ADARB2: variants seen among roughly 807,000 people sequenced by gnomAD.
ADARB2 encodes inactive double-stranded RNA-specific editase B2.
Under a neutral mutation model 62.2 loss-of-function variants are expected in ADARB2, and 25 were observed. The ratio of observed to expected loss-of-function variants is 0.40; its 90% CI spans 0.29 to 0.56. The LOEUF (loss-of-function observed/expected upper bound fraction) is 0.56. Among genes scored for constraint, ADARB2 ranks in the 20% least tolerant of loss-of-function variants. The probability of loss-of-function intolerance (pLI) is 0.43; values close to 1 mark genes in which losing one functional copy is unlikely to be tolerated. For missense variants in ADARB2, 1,071 were observed against 1,077.4 expected, an observed-to-expected ratio of 0.99 and a Z score of 0.08; for synonymous variants, 572 against 500.8, an observed-to-expected ratio of 1.14 and a Z score of -1.90.
At chr10:1,343,844 G>A (rs11596382) in intron 3 of ADARB2, among the ~76,000 whole-genome samples, 13,620 of 152,138 alleles carry the variant, frequency 0.09, 1,005 homozygotes, top group African/African-American at 0.19. Flanking sequence ...CCACAAATGG[G>A]GGAGCAACAG....
At chr10:1,278,038 C>T (rs1297231303) in intron 3 of ADARB2, among the ~76,000 whole-genome samples, 3 of 151,974 alleles carry the variant, frequency 2.0e-5, no homozygotes, top group East Asian at 1.9e-4. Flanking sequence ...GGCATGATCT[C>T]GGCTCACTGC....
intron 3 of ADARB2, among the ~76,000 whole-genome samples, chr10:1,294,287 T>TA (rs1440275816): frequency 1.3e-5 from 2 of 152,190 alleles, no homozygotes; most frequent in African/African-American, 4.8e-5. Flanking sequence ...CATGTGCAGA[T>TA]GGCTGAGGCT....
At chr10:1,340,671 ACGTGCCC>A (rs1338988431) in intron 3 of ADARB2, among the ~76,000 whole-genome samples, 6 of 75,192 alleles carry the variant, frequency 8.0e-5, no homozygotes, top group African/African-American at 3.5e-4. Flanking sequence ...CCAGAGAACC[ACGTGCCC>A]CACAGTGGCA....
At chr10:1,614,599 A>G (rs1833606973) in intron 1 of ADARB2, among the ~76,000 whole-genome samples, 1 of 152,222 alleles carries the variant, frequency 6.6e-6, no homozygotes, top group East Asian at 1.9e-4. Flanking sequence ...TTCAGGACTT[A>G]GTAAGAATTT....
chr10:1,638,545 A>G (rs543423861), intron 1 of ADARB2, among the ~76,000 whole-genome samples: 1 of 151,934 alleles, frequency 6.6e-6, no homozygotes, highest in African/African-American at 2.4e-5. Flanking sequence ...CGAAGGATAC[A>G]TATTTCAGGT....
At chr10:1,507,415 G>GGA (rs1554767442) in intron 1 of ADARB2, among the ~76,000 whole-genome samples, 1 of 152,212 alleles carries the variant, frequency 6.6e-6, no homozygotes, top group Non-Finnish European at 1.5e-5. Context: ...GGCTGCATCC[G>GGA]GAGCTCCCTG....
chr10:1,664,582 G>T (rs117551819), intron 1 of ADARB2, among the ~76,000 whole-genome samples: 1 of 152,264 alleles, frequency 6.6e-6, no homozygotes, highest in East Asian at 1.9e-4. Context: ...TGCTGTTTAC[G>T]GCGAGCAGGC....
At chr10:1,710,188 C>T (rs1233256227) in intron 1 of ADARB2, among the ~76,000 whole-genome samples, 1 of 152,164 alleles carries the variant, frequency 6.6e-6, no homozygotes, top group Non-Finnish European at 1.5e-5. Flanking sequence ...CACAGGCCAG[C>T]AGTAGCTATT....
chr10:1,242,631 C>T (rs151325109), intron 4 of ADARB2, among the ~76,000 whole-genome samples: 10 of 152,314 alleles, frequency 6.6e-5, no homozygotes, highest in African/African-American at 2.2e-4. Context: ...ACCTGAGTCC[C>T]AGGTCCCCTG....
At chr10:1,624,790 T>C (rs987045587) in intron 1 of ADARB2, among the ~76,000 whole-genome samples, 20 of 152,300 alleles carry the variant, frequency 1.3e-4, no homozygotes, top group African/African-American at 4.6e-4. Flanking sequence ...CTTCAGAGTC[T>C]TTAAAGGTAA....
intron 1 of ADARB2, among the ~76,000 whole-genome samples, chr10:1,621,780 T>TAAC (rs1178652001): frequency 6.6e-6 from 1 of 152,242 alleles, no homozygotes; most frequent in Non-Finnish European, 1.5e-5. Flanking sequence ...GATGTCAAGA[T>TAAC]AACAATTCAT....
chr10:1,271,063 C>G lies in ADARB2; in HGVS notation c.1084G>C (p.Ala362Pro). 1.2e-6 allele frequency: 2 copies of G among 1,613,722 alleles called. No individual in the cohort carries two copies. Among genetic ancestry groups the G allele is most frequent in the Admixed American group, 1.7e-5 (1 of 59,976 alleles). Residue 362 changes from alanine to proline, a missense_variant, in exon 4 of 10, where the codon GCA becomes CCA. Coordinates refer to ENST00000381312, the MANE Select transcript of ADARB2 (RefSeq NM_018702.4). ...ARRTPMPQEF[A>P]DSISQLVTQK... ...GTGACCAGCTGGGATATGGAGTCTG[C>G]GAATTCCTGAAAGACACAAGCACAG...
At chr10:1,297,423 G>A (rs980308745) in intron 3 of ADARB2, among the ~76,000 whole-genome samples, 2 of 152,128 alleles carry the variant, frequency 1.3e-5, no homozygotes, top group Admixed American at 6.5e-5. Context: ...ATTTTTAGCC[G>A]TTGAAATGGT....
chr10:1,586,366 G>A (rs1833180404), intron 1 of ADARB2, among the ~76,000 whole-genome samples: 1 of 152,186 alleles, frequency 6.6e-6, no homozygotes, highest in Non-Finnish European at 1.5e-5. Flanking sequence ...TGATCTGAAA[G>A]CCACCAAATC....
chr10:1,718,353 A>G (rs7078880), intron 1 of ADARB2, among the ~76,000 whole-genome samples: 70,073 of 152,102 alleles, frequency 0.46, 17,713 homozygotes, highest in African/African-American at 0.67. Flanking sequence ...ATGGACGGTC[A>G]GGCTTCTGCT....
chr10:1,682,245 C>T (rs546242969), intron 1 of ADARB2, among the ~76,000 whole-genome samples: 11 of 152,290 alleles, frequency 7.2e-5, no homozygotes, highest in African/African-American at 1.9e-4. Context: ...GGCCTCAGCA[C>T]GAAGCCAGCA....
chr10:1,726,491 C>T (rs2119040327), intron 1 of ADARB2, among the ~76,000 whole-genome samples: 1 of 152,224 alleles, frequency 6.6e-6, no homozygotes, highest in Admixed American at 6.5e-5. Flanking sequence ...CCAGCACCTT[C>T]TGTGACTCTA....
chr10:1,268,713 T>C (rs1831230917), intron 4 of ADARB2, among the ~76,000 whole-genome samples: 1 of 149,644 alleles, frequency 6.7e-6, no homozygotes, highest in African/African-American at 2.6e-5. Flanking sequence ...AATCAGTGTT[T>C]GTCTCTTTAC....
intron 3 of ADARB2, among the ~76,000 whole-genome samples, chr10:1,326,859 GCCCAGCGCCTCCCC>G (rs1831857916): frequency 5.4e-5 from 3 of 55,766 alleles, no homozygotes; most frequent in African/African-American, 1.3e-4. Flanking sequence ...CCTCCCCACT[GCCCAGCGCCTCCCC>G]ACGGCACAGC....
Sources: allele counts gnomAD v4.1 joint callset (sites outside exome capture counted in the v4.1 genomes callset), GRCh38; gene constraint gnomAD v4.1.1; transcripts MANE v1.5; gene names NCBI Gene and HGNC (gene_info 2026-07-23, HGNC 2026-07-21).